IQCB1: variants seen among roughly 807,000 people sequenced by gnomAD.
IQCB1 encodes IQ calmodulin-binding motif-containing protein 1.
In IQCB1, 56 loss-of-function variants were observed where a neutral mutation model predicts 84.4. The observed-to-expected ratio is 0.66, with a 90% confidence interval of 0.54 to 0.83. The LOEUF (loss-of-function observed/expected upper bound fraction) is 0.83, where lower values mean the gene tolerates loss of function less well. IQCB1 is among the 40% of genes least tolerant of loss of function. IQCB1 has a pLI of 0.00. For synonymous variants in IQCB1, 210 were observed against 234.8 expected (o/e 0.89, Z 0.96); for missense variants, 629 against 682.1 (o/e 0.92, Z 0.87).
intron 12 of IQCB1, 101 bp from the exon 13 acceptor site, chr3:121,781,975 T>C: frequency 8.6e-7 from 1 of 1,168,062 alleles, no homozygotes. Flanking sequence ...CAATAATGAT[T>C]AACTCTGAGT....
intron 6 of IQCB1, among the ~76,000 whole-genome samples, chr3:121,808,007 C>T (rs1041906912): frequency 6.6e-6 from 1 of 151,962 alleles, no homozygotes; most frequent in African/African-American, 2.4e-5. Flanking sequence ...ACCATTTCTT[C>T]ATCTGTAAAA....
At chr3:121,816,218 C>G (rs546229290) in intron 5 of IQCB1, among the ~76,000 whole-genome samples, 2 of 152,012 alleles carry the variant, frequency 1.3e-5, no homozygotes, top group South Asian at 4.2e-4. Flanking sequence ...GCTAGCCATA[C>G]GCAGAAAACT....
At chr3:121,809,145 T>A in intron 5 of IQCB1, 136 bp from the exon 6 acceptor site, 1 of 617,574 alleles carries the variant, frequency 1.6e-6, no homozygotes, top group South Asian at 1.9e-5. Flanking sequence ...GGACATGATT[T>A]TGTTGCCTTT....
In IQCB1 at chr3:121,770,086, AACAG is replaced by A. The variant is rs1354313222; in HGVS notation, c.*255_*258del. Reference sequence around the variant, plus strand: ...AAAGAAAAACACACTTCATGTAAACAACAGAACACTATGCTAAGTTTAGTTCTAC... The same window carrying A: ...AAAGAAAAACACACTTCATGTAAACAAACACTATGCTAAGTTTAGTTCTAC... On this transcript the variant is annotated 3_prime_UTR_variant, in exon 15 of 15. Coordinates refer to ENST00000310864, the MANE Select transcript of IQCB1 (RefSeq NM_001023570.4). 1.4e-5 allele frequency: 5 copies of A among 369,646 alleles called. No individual in the cohort carries two copies. Among genetic ancestry groups the A allele is most frequent in the Admixed American group, 8.0e-5 (2 of 24,916 alleles). The allele number at this position is 369,646 out of a possible 1,614,324, so 22.9% of individuals were successfully genotyped here. A position where few individuals can be genotyped will look rare whatever the true frequency, so the allele number is the denominator to read the frequency against.
intron 13 of IQCB1, among the ~76,000 whole-genome samples, chr3:121,776,086 G>T (rs1053555761): frequency 6.6e-6 from 1 of 151,630 alleles, no homozygotes; most frequent in African/African-American, 2.4e-5. Flanking sequence ...TGAAGACAGG[G>T]TCTCACTCTC....
chr3:121,827,046 T>G (rs1425230359), intron 4 of IQCB1, among the ~76,000 whole-genome samples: 1 of 152,030 alleles, frequency 6.6e-6, no homozygotes, highest in Non-Finnish European at 1.5e-5. Context: ...TTCTTTGGGG[T>G]GGTACATATA....
intron 8 of IQCB1, 128 bp downstream of exon 8, chr3:121,799,068 C>T: frequency 1.6e-6 from 1 of 640,996 alleles, no homozygotes; most frequent in Non-Finnish European, 2.8e-6. Context: ...GAATTGGTAT[C>T]TGTTGTGAGT....
At chr3:121,792,522 C>T (rs1414582289) in intron 10 of IQCB1, among the ~76,000 whole-genome samples, 5 of 144,446 alleles carry the variant, frequency 3.5e-5, no homozygotes, top group African/African-American at 5.2e-5. Context: ...ATTAGCCGGG[C>T]GTGATGGCGG....
chr3:121,781,688 A>T, intron 13 of IQCB1, 55 bp downstream of exon 13: 1 of 1,472,094 alleles, frequency 6.8e-7, no homozygotes, highest in South Asian at 1.1e-5. Context: ...GTGTACAGTT[A>T]TCAATATCAT....
chr3:121,814,920 A>G (rs1343327829), intron 5 of IQCB1, among the ~76,000 whole-genome samples: 1 of 152,218 alleles, frequency 6.6e-6, no homozygotes, highest in African/African-American at 2.4e-5. Context: ...TGAGAGCAGG[A>G]TCATCCTGAT....
At chr3:121,807,825 T>C (rs911975084) in intron 6 of IQCB1, among the ~76,000 whole-genome samples, 4 of 151,990 alleles carry the variant, frequency 2.6e-5, no homozygotes, top group Admixed American at 6.6e-5. Flanking sequence ...ATGACTATAA[T>C]TGGTTGCTCA....
chr3:121,798,734 T>C (rs1334009677), intron 8 of IQCB1, among the ~76,000 whole-genome samples: 1 of 151,896 alleles, frequency 6.6e-6, no homozygotes, highest in African/African-American at 2.4e-5. Flanking sequence ...AATTCACATA[T>C]GTATTTGATT....
intron 5 of IQCB1, among the ~76,000 whole-genome samples, chr3:121,817,261 G>T (rs1950101808): frequency 6.6e-6 from 1 of 152,076 alleles, no homozygotes; most frequent in Non-Finnish European, 1.5e-5. Flanking sequence ...CCTGTCAGGG[G>T]GTAGGGAGCA....
chr3:121,815,174 A>G (rs1326730409), intron 5 of IQCB1, among the ~76,000 whole-genome samples: 2 of 152,266 alleles, frequency 1.3e-5, no homozygotes, highest in African/African-American at 2.4e-5. Context: ...GATTATTTCA[A>G]TAGATGCAGA....
Position 121,777,654 on chromosome 3 carries a change from A to G in IQCB1, c.1410+4089T>C, listed in dbSNP as rs1416139142. 2.0e-5 allele frequency among the ~76,000 whole-genome samples: 3 copies of G among 152,270 alleles called. No individual in the cohort carries two copies. The East Asian group carries it at 5.8e-4, about 29-fold the overall frequency. On this transcript the variant is annotated intron_variant, in intron 13 of 14. Transcript: ENST00000310864. The stretch of plus-strand genomic sequence containing the variant: ...TTTCCTGGCATCATTTTAAACAGAA[A>G]TGTTAAGTCTTTTACACCTTAAAGA...
At chr3:121,813,012 C>A (rs549554594) in intron 5 of IQCB1, among the ~76,000 whole-genome samples, 3 of 152,218 alleles carry the variant, frequency 2.0e-5, no homozygotes, top group African/African-American at 7.2e-5. Context: ...TTAGGGGCAG[C>A]CAGAGAGAAA....
intron 12 of IQCB1, among the ~76,000 whole-genome samples, chr3:121,787,486 C>G (rs758567912): frequency 2.0e-5 from 3 of 152,174 alleles, no homozygotes; most frequent in Non-Finnish European, 4.4e-5. Flanking sequence ...GGAGCGGTGG[C>G]TCACGCCTGT....
chr3:121,780,800 C>T (rs545376074), intron 13 of IQCB1, among the ~76,000 whole-genome samples: 10 of 152,260 alleles, frequency 6.6e-5, no homozygotes, highest in Admixed American at 2.0e-4. Context: ...CACATCAAGC[C>T]TCTAACATCA....
At chr3:121,815,741 C>G (rs1325063284) in intron 5 of IQCB1, among the ~76,000 whole-genome samples, 1 of 147,948 alleles carries the variant, frequency 6.8e-6, no homozygotes, top group Non-Finnish European at 1.5e-5. Context: ...CAAAACACTG[C>G]TCAAGGAAAT....
Sources: gnomAD v4.1 joint callset for allele counts (sites outside exome capture counted in the v4.1 genomes callset) on GRCh38, gnomAD v4.1.1 for gene constraint, MANE v1.5 for transcripts, NCBI Gene and HGNC (gene_info 2026-07-23, HGNC 2026-07-21) for gene names.